Variants in SORCS2 observed in about 807,000 individuals in gnomAD.
SORCS2 encodes the protein sortilin related VPS10 domain containing receptor 2.
In SORCS2, 100 loss-of-function variants were observed where a neutral mutation model predicts 141.6. The ratio of observed to expected loss-of-function variants is 0.71; its 90% CI spans 0.60 to 0.83. The LOEUF (loss-of-function observed/expected upper bound fraction) is 0.83. SORCS2 is among the 40% of genes least tolerant of loss of function. SORCS2 has a pLI of 0.00. For synonymous variants in SORCS2, 789 were observed against 676.9 expected, an observed-to-expected ratio of 1.17 and a Z score of -2.57; for missense variants, 1,646 against 1,560.2, an observed-to-expected ratio of 1.05 and a Z score of -0.93.
intron 3 of SORCS2, among the ~76,000 whole-genome samples, chr4:7,576,522 C>G (rs576687280): frequency 6.6e-6 from 1 of 152,302 alleles, no homozygotes; most frequent in South Asian, 2.1e-4. Flanking sequence ...CTGTGTGCAT[C>G]TTACTACAAA....
chr4:7,493,529 G>A (rs1206480305), intron 2 of SORCS2, among the ~76,000 whole-genome samples: 1 of 152,086 alleles, frequency 6.6e-6, no homozygotes, highest in Non-Finnish European at 1.5e-5. Flanking sequence ...GGTGGTCGTG[G>A]TTCAACTTTC....
intron 1 of SORCS2, among the ~76,000 whole-genome samples, chr4:7,353,040 G>C (rs1311539148): frequency 1.3e-5 from 2 of 152,166 alleles, no homozygotes; most frequent in African/African-American, 4.8e-5. Context: ...CTGTCTCCCT[G>C]GTTCTAGAGG....
At chr4:7,432,506 C>G (rs974344222) in intron 2 of SORCS2, 1 of 152,162 alleles carries the variant, frequency 6.6e-6, no homozygotes, top group Non-Finnish European at 1.5e-5. Context: ...TCTTTGCCCT[C>G]GCTGCTCCAC....
intron 1 of SORCS2, among the ~76,000 whole-genome samples, chr4:7,250,852 G>T (rs574364538): frequency 4.6e-5 from 7 of 152,286 alleles, no homozygotes; most frequent in Non-Finnish European, 8.8e-5. Context: ...CGCTGAAGGC[G>T]AGAAGAACGG....
chr4:7,513,407 C>T (rs999054513), intron 2 of SORCS2, among the ~76,000 whole-genome samples: 2 of 152,200 alleles, frequency 1.3e-5, no homozygotes, highest in African/African-American at 4.8e-5. Context: ...ACCTTGGATT[C>T]AGGAGTGAGG....
At chr4:7,241,652 C>T (rs773931661) in intron 1 of SORCS2, among the ~76,000 whole-genome samples, 3 of 152,300 alleles carry the variant, frequency 2.0e-5, no homozygotes, top group African/African-American at 2.4e-5. Context: ...CCACAGGAGA[C>T]GCACTGAGAA....
intron 2 of SORCS2, chr4:7,434,044 A>C: frequency 6.2e-7 from 1 of 1,611,370 alleles, no homozygotes; most frequent in Non-Finnish European, 8.5e-7. Context: ...TTTCCTTGGC[A>C]ACCCCAGCTC....
At chr4:7,227,041 G>A (rs1027631932) in intron 1 of SORCS2, among the ~76,000 whole-genome samples, 12 of 152,146 alleles carry the variant, frequency 7.9e-5, no homozygotes, top group African/African-American at 4.8e-5. Context: ...CAGCACACCT[G>A]CTCTTATGCA....
intron 2 of SORCS2, among the ~76,000 whole-genome samples, chr4:7,421,851 G>C (rs1726086613): frequency 6.6e-6 from 1 of 151,646 alleles, no homozygotes; most frequent in Admixed American, 6.6e-5. Context: ...AATCCAGTGG[G>C]CTTGCAGGAG....
intron 1 of SORCS2, among the ~76,000 whole-genome samples, chr4:7,245,469 G>A (rs751531295): frequency 2.0e-5 from 3 of 152,230 alleles, no homozygotes; most frequent in Non-Finnish European, 2.9e-5. Context: ...GAAATAACTT[G>A]GGCTTTAGAG....
At chr4:7,449,905 A>T (rs1347071019) in intron 2 of SORCS2, among the ~76,000 whole-genome samples, 1 of 152,132 alleles carries the variant, frequency 6.6e-6, no homozygotes, top group African/African-American at 2.4e-5. Flanking sequence ...GAGAGGTGGG[A>T]GCTGGGGAGA....
chr4:7,724,140 T>C (rs1726814928), intron 19 of SORCS2, among the ~76,000 whole-genome samples: 1 of 131,208 alleles, frequency 7.6e-6, no homozygotes, highest in African/African-American at 2.8e-5. Context: ...GTGGTGGTGG[T>C]GATGGTCGTG....
At chr4:7,638,744 A>G (rs1477538000) in intron 4 of SORCS2, among the ~76,000 whole-genome samples, 1 of 152,208 alleles carries the variant, frequency 6.6e-6, no homozygotes, top group African/African-American at 2.4e-5. Context: ...CACCAGGCTC[A>G]GAGGCTCAAG....
chr4:7,376,743 C>T (rs1253888245), intron 1 of SORCS2, among the ~76,000 whole-genome samples: 6 of 152,196 alleles, frequency 3.9e-5, no homozygotes, highest in South Asian at 2.1e-4. Flanking sequence ...AAACTTTTTA[C>T]GACTTACAAA....
chr4:7,337,164 C>A (rs1312300213), intron 1 of SORCS2, among the ~76,000 whole-genome samples: 1 of 152,130 alleles, frequency 6.6e-6, no homozygotes, highest in Non-Finnish European at 1.5e-5. Context: ...GAAGGTGGGG[C>A]TGGAAGGGAT....
chr4:7,723,440 C>T (rs140779719), intron 18 of SORCS2, among the ~76,000 whole-genome samples: 13 of 152,260 alleles, frequency 8.5e-5, no homozygotes, highest in East Asian at 3.9e-4. Flanking sequence ...CCCTCTCTGC[C>T]GCTGGGTGAT....
At chr4:7,332,722 G>A (rs146717162) in intron 1 of SORCS2, among the ~76,000 whole-genome samples, 16 of 152,296 alleles carry the variant, frequency 1.1e-4, no homozygotes, top group African/African-American at 3.4e-4. Context: ...AAACAAACCC[G>A]AGTGAGCACA....
intron 1 of SORCS2, among the ~76,000 whole-genome samples, chr4:7,331,876 C>T (rs529674779): frequency 6.6e-6 from 1 of 152,100 alleles, no homozygotes; most frequent in East Asian, 1.9e-4. Flanking sequence ...GCTGCAAGAG[C>T]GAAAGGAGCT....
chr4:7,448,685 C>G (rs1164806843), intron 2 of SORCS2, among the ~76,000 whole-genome samples: 2 of 143,100 alleles, frequency 1.4e-5, no homozygotes, highest in African/African-American at 5.2e-5. Flanking sequence ...TCCTTCCCTT[C>G]CTTCCTCTCT....
Sources: gnomAD v4.1 joint callset for allele counts (sites outside exome capture counted in the v4.1 genomes callset) on GRCh38, gnomAD v4.1.1 for gene constraint, MANE v1.5 for transcripts, NCBI Gene and HGNC (gene_info 2026-07-23, HGNC 2026-07-21) for gene names.